Variants in SWT1 observed in about 807,000 individuals in gnomAD.
SWT1 encodes transcriptional protein SWT1.
In SWT1, 33 loss-of-function variants were observed where a neutral mutation model predicts 107.3. The observed-to-expected ratio is 0.31, with a 90% CI of 0.23 to 0.41. SWT1 has a LOEUF of 0.41. SWT1 is among the 10% of genes least tolerant of loss of function. The pLI, the probability that SWT1 is intolerant of heterozygous loss-of-function variation, is 1.00. For synonymous variants in SWT1, 345 were observed against 348.3 expected (o/e 0.99, Z 0.11); for missense variants, 898 against 1,028.9 (o/e 0.87, Z 1.74).
At chr1:185,208,681 G>A (rs1184738804) in intron 13 of SWT1, among the ~76,000 whole-genome samples, 1 of 151,736 alleles carries the variant, frequency 6.6e-6, no homozygotes, top group East Asian at 1.9e-4. Context: ...TTTCCCCTAG[G>A]GGATTTAAAG....
chr1:185,163,845 T>C (rs1654360518), intron 2 of SWT1, among the ~76,000 whole-genome samples: 1 of 152,246 alleles, frequency 6.6e-6, no homozygotes, highest in Non-Finnish European at 1.5e-5. Flanking sequence ...TCCAAACTCC[T>C]GTTAATGTTG....
At chr1:185,271,570 G>A (rs1663870542) in intron 17 of SWT1, among the ~76,000 whole-genome samples, 181 bp downstream of exon 17, 5 of 151,514 alleles carry the variant, frequency 3.3e-5, no homozygotes, top group Admixed American at 3.3e-4. Flanking sequence ...TTTAAAAAAT[G>A]GTATATTTAA....
At chr1:185,218,312 A>AT (rs1312227993) in intron 14 of SWT1, among the ~76,000 whole-genome samples, 3 of 151,446 alleles carry the variant, frequency 2.0e-5, no homozygotes, top group Admixed American at 6.6e-5. Context: ...CATTTTCCAG[A>AT]TTTTTTTTTG....
chr1:185,255,200 G>C (rs1054789619), intron 16 of SWT1, among the ~76,000 whole-genome samples: 3 of 151,956 alleles, frequency 2.0e-5, no homozygotes, highest in Admixed American at 6.6e-5. Flanking sequence ...TTACTTCCAA[G>C]TATGTGGTCA....
intron 1 of SWT1, among the ~76,000 whole-genome samples, chr1:185,158,392 C>G (rs754620330): frequency 2.0e-5 from 3 of 151,566 alleles, no homozygotes; most frequent in Non-Finnish European, 4.4e-5. Context: ...TCTAGTATTC[C>G]TGAATGTGTA....
chr1:185,287,245 T>G (rs1431818683), intron 18 of SWT1, among the ~76,000 whole-genome samples: 1 of 152,196 alleles, frequency 6.6e-6, no homozygotes, highest in East Asian at 1.9e-4. Context: ...TTTTAAATTG[T>G]ATGATAAAAT....
At chr1:185,162,211 C>G (rs868734021) in intron 2 of SWT1, among the ~76,000 whole-genome samples, 4 of 152,198 alleles carry the variant, frequency 2.6e-5, no homozygotes, top group African/African-American at 9.7e-5. Flanking sequence ...CTACTTAAAA[C>G]TACTAAACTA....
chr1:185,172,959 G>A (rs907175029), intron 4 of SWT1, among the ~76,000 whole-genome samples: 1 of 149,012 alleles, frequency 6.7e-6, no homozygotes, highest in African/African-American at 2.5e-5. Context: ...CAGGGGAATC[G>A]CTTGAACCTG....
At chr1:185,206,875 T>C in intron 13 of SWT1, 112 bp downstream of exon 13, 1 of 735,250 alleles carries the variant, frequency 1.4e-6, no homozygotes, top group Non-Finnish European at 2.1e-6. Flanking sequence ...TAGTTCTTAA[T>C]CATTTATACT....
chr1:185,246,721 A>G (rs1474983470), intron 16 of SWT1, among the ~76,000 whole-genome samples: 1 of 144,188 alleles, frequency 6.9e-6, no homozygotes, highest in Admixed American at 7.3e-5. Context: ...CCTGGAACTC[A>G]TGGTTTCAGG....
In SWT1 at chr1:185,276,778, A is replaced by G. The variant is rs559859125; in HGVS notation, c.2573+110A>G. The G allele has an allele frequency of 1.3e-4, 65 of 497,060 alleles. No individual in the cohort carries two copies. In the South Asian group the frequency reaches 2.9e-3, roughly 22 times the overall value. The allele number at this position is 497,060 out of a possible 1,614,324, so 30.8% of individuals were successfully genotyped here. A position where few individuals can be genotyped will look rare whatever the true frequency, so the allele number is the denominator to read the frequency against. On this transcript the variant is annotated intron_variant, in intron 18 of 18. Coordinates refer to ENST00000367500, the MANE Select transcript of SWT1 (RefSeq NM_017673.7). ...TGTGTTTTTTCATTGTCTTTTCACT[A>G]CACTGTTTTTTTTTACCTTACTAAT...
chr1:185,158,247 TAAG>T (rs1187515319), intron 1 of SWT1, among the ~76,000 whole-genome samples: 1 of 152,120 alleles, frequency 6.6e-6, no homozygotes, highest in Non-Finnish European at 1.5e-5. Context: ...CCCCTATAGT[TAAG>T]AAGTATATAT....
chr1:185,173,759 G>T lies in SWT1; in HGVS notation c.225-613G>T, dbSNP rs1202123888. Among the ~76,000 whole-genome samples the T allele has an allele frequency of 2.7e-5, 4 of 150,706 alleles. No homozygotes were observed. In the East Asian group the frequency reaches 7.9e-4, roughly 30 times the overall value. On this transcript the variant is annotated intron_variant, in intron 4 of 18. Transcript: ENST00000367500. Reference sequence around the variant, plus strand: ...GGCCGGGGTACAGTGGCTCACACCTGTAATCCCAGCACCTTGGGAGGCCGA... The same window carrying T: ...GGCCGGGGTACAGTGGCTCACACCTTTAATCCCAGCACCTTGGGAGGCCGA...
chr1:185,266,008 C>T (rs1391496584), intron 16 of SWT1, among the ~76,000 whole-genome samples: 1 of 152,086 alleles, frequency 6.6e-6, no homozygotes, highest in Non-Finnish European at 1.5e-5. Flanking sequence ...GGTTGTAAGT[C>T]ATTATTTATA....
chr1:185,212,407 G>A (rs190351013), intron 13 of SWT1, among the ~76,000 whole-genome samples: 2 of 152,208 alleles, frequency 1.3e-5, no homozygotes, highest in East Asian at 3.9e-4. Flanking sequence ...CAGCTGAGAG[G>A]TGGTAGGTGG....
At chr1:185,230,746 G>A (rs1660451677) in intron 15 of SWT1, among the ~76,000 whole-genome samples, 1 of 151,946 alleles carries the variant, frequency 6.6e-6, no homozygotes, top group Non-Finnish European at 1.5e-5. Context: ...GTGTGTGTGT[G>A]TGTGTGTTTG....
At chr1:185,215,097 A>T (rs901355278) in intron 14 of SWT1, among the ~76,000 whole-genome samples, 4 of 152,178 alleles carry the variant, frequency 2.6e-5, no homozygotes, top group South Asian at 4.1e-4. Flanking sequence ...TTATTTTGAA[A>T]TAATTTCAAA....
In SWT1 at chr1:185,216,439, A is replaced by C. The variant is rs189607740; in HGVS notation, c.2121+1784A>C. 1.7e-3 allele frequency among the ~76,000 whole-genome samples: 260 copies of C among 152,318 alleles called. 1 individual carries two copies. The highest frequency in any genetic ancestry group is 2.7e-3 in the Non-Finnish European group (181 of 68,020). Reference sequence around the variant, plus strand: ...ATGTGGTGAACAGATGGAAAGTGCAAGATACTTAAAGTCTTAACAGTCTTT... The same window carrying C: ...ATGTGGTGAACAGATGGAAAGTGCACGATACTTAAAGTCTTAACAGTCTTT... On this transcript the variant is annotated intron_variant, in intron 14 of 18. Transcript: ENST00000367500.
At chr1:185,214,709 A>G (rs1659081190) in intron 14 of SWT1, 54 bp downstream of exon 14, 1 of 1,472,128 alleles carries the variant, frequency 6.8e-7, no homozygotes, top group Admixed American at 2.1e-5. Flanking sequence ...TGTTCTGAAA[A>G]TGTGTTTAGC....
Sources: allele counts gnomAD v4.1 joint callset (sites outside exome capture counted in the v4.1 genomes callset), GRCh38; gene constraint gnomAD v4.1.1; transcripts MANE v1.5; gene names NCBI Gene and HGNC (gene_info 2026-07-23, HGNC 2026-07-21).